Variants in PDZD8 observed in about 807,000 individuals in gnomAD.
PDZD8 encodes the protein PDZ domain containing 8.
A neutral mutation model predicts 85.8 loss-of-function variants in PDZD8; 14 were observed. The ratio of observed to expected loss-of-function variants is 0.16; its 90% confidence interval spans 0.11 to 0.26. PDZD8 has a LOEUF of 0.26. PDZD8 is among the 10% of genes least tolerant of loss of function. The pLI, the probability that PDZD8 is intolerant of heterozygous loss-of-function variation, is 1.00. For missense variants in PDZD8, 1,197 were observed against 1,424.3 expected (o/e 0.84, Z 2.57); for synonymous variants, 592 against 568.6 (o/e 1.04, Z -0.59).
At chr10:117,332,278 G>A (rs1289526716) in intron 2 of PDZD8, among the ~76,000 whole-genome samples, 1 of 151,284 alleles carries the variant, frequency 6.6e-6, no homozygotes, top group Admixed American at 6.6e-5. Flanking sequence ...TCCTCTTATC[G>A]TTCCCTCCAA....
At chr10:117,315,604 A>C (rs962776605) in intron 3 of PDZD8, among the ~76,000 whole-genome samples, 1 of 150,936 alleles carries the variant, frequency 6.6e-6, no homozygotes, top group South Asian at 2.1e-4. Context: ...AAAAAAAAAA[A>C]AAAAAAAACA....
rs1589990200 is a variant in PDZD8, at chr10:117,279,364, C to T, written c.*3904G>A. ...TAATGAGGTAGCAATGAATATTCAA[C>T]TGTTTGACTGCTAAGTGTATCTGTC... is the stretch of plus-strand genomic sequence containing the variant. On this transcript the variant is annotated 3_prime_UTR_variant, in exon 5 of 5. Transcript: ENST00000334464. 1 of 152,150 alleles carries T rather than the reference C, an allele frequency of 6.6e-6. No individual in the cohort carries two copies. The highest frequency in any genetic ancestry group is 2.4e-5 in the African/African-American group (1 of 41,440). The allele number at this position is 152,150 out of a possible 1,614,324, so 9.4% of individuals were successfully genotyped here. A position where few individuals can be genotyped will look rare whatever the true frequency, so the allele number is the denominator to read the frequency against.
At chr10:117,308,423 C>G (rs147204959) in intron 3 of PDZD8, among the ~76,000 whole-genome samples, 1 of 151,976 alleles carries the variant, frequency 6.6e-6, no homozygotes, top group African/African-American at 2.4e-5. Flanking sequence ...TGAGGACACA[C>G]AAAATATATG....
intron 2 of PDZD8, among the ~76,000 whole-genome samples, chr10:117,319,701 A>G (rs1437674509): frequency 1.3e-5 from 2 of 152,122 alleles, no homozygotes; most frequent in South Asian, 2.1e-4. Context: ...TAAAAAAGAC[A>G]TATGAGGTCC....
rs1397129458 is a variant in PDZD8 at position 117,374,704 on chromosome 10, T to C, written c.524A>G (p.Asp175Gly). The C allele has an allele frequency of 3.1e-6, 5 of 1,604,522 alleles. No individual in the cohort carries two copies. In the South Asian group the frequency reaches 3.3e-5, roughly 11 times the overall value. Reference protein sequence around the residue: ...PVVPSATGEPDGPEGEALPAA... With the variant: ...PVVPSATGEPGGPEGEALPAA... ...GGGCAGCGCCTCCCCTTCAGGGCCA[T>C]CGGGCTCCCCGGTGGCCGAGGGCAC... Residue 175 changes from aspartate to glycine, a missense_variant, in exon 1 of 5, where the codon GAT becomes GGT. By Grantham distance (94) the Asp-to-Gly change is moderately conservative (BLOSUM62 -1). Transcript: ENST00000334464. The surrounding 1 kb of genome is among the most constrained non-coding windows in gnomAD (Gnocchi z 7.8).
At chr10:117,344,820 G>A (rs1379069452) in intron 1 of PDZD8, among the ~76,000 whole-genome samples, 2 of 152,140 alleles carry the variant, frequency 1.3e-5, no homozygotes, top group Non-Finnish European at 2.9e-5. Context: ...GTTACTTCCA[G>A]GCAAGTTCAG....
At chr10:117,306,803 ATT>A (rs1390453972) in intron 3 of PDZD8, among the ~76,000 whole-genome samples, 1 of 152,118 alleles carries the variant, frequency 6.6e-6, no homozygotes, top group Non-Finnish European at 1.5e-5. Context: ...ATTTTGCCAC[ATT>A]TGTTTCACTC....
At position 117,284,693 on chromosome 10, in the gene PDZD8, T is replaced by C; in HGVS notation, c.2040A>G (p.Glu680=). 1 of 1,614,232 alleles carries C rather than the reference T, an allele frequency of 6.2e-7. No individual in the cohort carries two copies. Among genetic ancestry groups the C allele is most frequent in the Middle Eastern group, 1.6e-4 (1 of 6,062 alleles). Residue 680 remains glutamate, a synonymous_variant, in exon 5 of 5, where the codon GAA becomes GAG. Transcript: ENST00000334464. ...KDSSDDRQTW[E]SSEILYRNKL... is the part of the protein sequence containing the mutation. ...TATTACGATAAAGAATTTCTGATGA[T>C]TCCCATGTTTGACGGTCGTCCGAAC...
rs1472939818 is a variant in PDZD8, at chr10:117,278,189, A to G, written c.*5079T>C. 4 of 152,230 alleles carry G rather than the reference A, an allele frequency of 2.6e-5. No individual in the cohort carries two copies. In the East Asian group the frequency reaches 7.7e-4, roughly 29 times the overall value. The allele number at this position is 152,230 out of a possible 1,614,324, so 9.4% of individuals were successfully genotyped here. On this transcript the variant is annotated 3_prime_UTR_variant, in exon 5 of 5. Transcript: ENST00000334464. ...GCTGCTCTGACTTTAATATCTGACT[A>G]TATCTTTGATCTGTTTGCAGGTCAT...
intron 1 of PDZD8, among the ~76,000 whole-genome samples, chr10:117,371,302 A>T (rs1845186422): frequency 1.3e-5 from 2 of 152,094 alleles, no homozygotes; most frequent in African/African-American, 4.8e-5. Flanking sequence ...TTCCTGCCTC[A>T]GCCTCCAGAG....
intron 1 of PDZD8, among the ~76,000 whole-genome samples, chr10:117,346,847 G>A (rs1401880629): frequency 1.3e-5 from 2 of 151,868 alleles, no homozygotes; most frequent in African/African-American, 4.8e-5. Context: ...GGCTAGGGTG[G>A]GAGGGCCAGT....
At chr10:117,363,192 AC>A (rs1339300672) in intron 1 of PDZD8, among the ~76,000 whole-genome samples, 1 of 152,112 alleles carries the variant, frequency 6.6e-6, no homozygotes, top group East Asian at 1.9e-4. Context: ...TATTTGCATG[AC>A]CAAATGACTA....
At position 117,352,515 on chromosome 10, in the gene PDZD8, T is replaced by A. The variant is rs187209741; in HGVS notation, c.873-11413A>T. Among the ~76,000 whole-genome samples, 26 of 152,310 alleles carry A rather than the reference T, an allele frequency of 1.7e-4. No individual in the cohort carries two copies. In the East Asian group the frequency reaches 5.0e-3, roughly 29 times the overall value. ...CAAAGGAACACAAAACTTAGAATCATATATACATATAGATTGTTGTCCCAA... is the reference window on the plus strand; with the variant it reads ...CAAAGGAACACAAAACTTAGAATCAAATATACATATAGATTGTTGTCCCAA... On this transcript the variant is annotated intron_variant, in intron 1 of 4. Coordinates refer to ENST00000334464, the MANE Select transcript of PDZD8 (RefSeq NM_173791.5).
In PDZD8 at chr10:117,280,452, C is replaced by CA. The variant is rs1291733819; in HGVS notation, c.*2815dup. 1 of 152,108 alleles carries CA rather than the reference C, an allele frequency of 6.6e-6. No individual in the cohort carries two copies. Among genetic ancestry groups the CA allele is most frequent in the Non-Finnish European group, 1.5e-5 (1 of 68,022 alleles). The allele number at this position is 152,108 out of a possible 1,614,324, so 9.4% of individuals were successfully genotyped here. On this transcript the variant is annotated 3_prime_UTR_variant, in exon 5 of 5. Coordinates refer to ENST00000334464, the MANE Select transcript of PDZD8 (RefSeq NM_173791.5). ...AGAAGATAATTCCATAGAGATGCAG[C>CA]AATCACCTTTTTTAAAGATTTCATT...
chr10:117,373,339 T>C (rs1191659284), intron 1 of PDZD8, among the ~76,000 whole-genome samples: 2 of 151,740 alleles, frequency 1.3e-5, no homozygotes, highest in Non-Finnish European at 2.9e-5. Context: ...TCACAGAGAG[T>C]AAATGCTTGA....
At chr10:117,363,326 T>C (rs755926853) in intron 1 of PDZD8, among the ~76,000 whole-genome samples, 9 of 152,116 alleles carry the variant, frequency 5.9e-5, no homozygotes, top group African/African-American at 1.2e-4. Context: ...AAACACCAGA[T>C]GCACTATTCA....
chr10:117,363,784 C>T (rs1470938744), intron 1 of PDZD8, among the ~76,000 whole-genome samples: 1 of 152,144 alleles, frequency 6.6e-6, no homozygotes, highest in Non-Finnish European at 1.5e-5. Flanking sequence ...CAGTACCCCA[C>T]CCACCATATC....
In PDZD8 at chr10:117,375,017, C is replaced by T; in HGVS notation, c.211G>A (p.Gly71Arg). 1 of 1,586,974 alleles carries T rather than the reference C, an allele frequency of 6.3e-7. No homozygotes were observed. The highest frequency in any genetic ancestry group is 8.6e-7 in the Non-Finnish European group (1 of 1,167,168). The stretch of plus-strand genomic sequence containing the variant: ...GTCGCGCCGCCCTCAGGGGCCGCTC[C>T]GGAGGGCTCCTCATCCCGGCCGCCG... ...YGGGRDEEPS[G>R]AAPEGGATPT... Residue 71 changes from glycine (G) to arginine (R), a missense_variant, in exon 1 of 5, where the codon GGA becomes AGA. This residue lies in a region of PDZD8 where 172 missense variants were observed against 137.8 expected (regional missense o/e 1.25). Transcript: ENST00000334464.
chr10:117,320,204 T>G (rs183685069), intron 2 of PDZD8, among the ~76,000 whole-genome samples: 2 of 152,206 alleles, frequency 1.3e-5, no homozygotes, highest in East Asian at 3.9e-4. Flanking sequence ...TTCTTAAACA[T>G]AAAACACTAA....
Sources: gnomAD v4.1 joint callset for allele counts (sites outside exome capture counted in the v4.1 genomes callset) on GRCh38, gnomAD v4.1.1 for gene constraint, gnomAD v4.1.1 regional missense constraint, Gnocchi (gnomAD v3.1) non-coding constraint, MANE v1.5 for transcripts, NCBI Gene and HGNC (gene_info 2026-07-23, HGNC 2026-07-21) for gene names.